Variants in TSHZ2 observed in about 807,000 individuals in gnomAD.
The protein encoded by TSHZ2 is teashirt homolog 2.
In TSHZ2, 21 loss-of-function variants were observed where a neutral mutation model predicts 74.4. That is an observed-to-expected ratio of 0.28 (90% CI 0.20 to 0.41). The LOEUF (loss-of-function observed/expected upper bound fraction) is 0.41, where lower values mean the gene tolerates loss of function less well. TSHZ2 is among the 10% of genes least tolerant of loss of function. The pLI is 1.00. For synonymous variants in TSHZ2, 540 were observed against 515.3 expected, an observed-to-expected ratio of 1.05 and a Z score of -0.65; for missense variants, 1,244 against 1,293.5, an observed-to-expected ratio of 0.96 and a Z score of 0.59.
chr20:53,063,278 A>G (rs1466837241), intron 1 of TSHZ2, among the ~76,000 whole-genome samples: 7 of 152,314 alleles, frequency 4.6e-5, no homozygotes, highest in African/African-American at 1.7e-4. Flanking sequence ...GCACAATAAA[A>G]TGAAGCACAT....
chr20:53,170,814 G>A (rs1472800096), intron 1 of TSHZ2, among the ~76,000 whole-genome samples: 1 of 152,074 alleles, frequency 6.6e-6, no homozygotes, highest in Non-Finnish European at 1.5e-5. Flanking sequence ...ACGTCAGAGT[G>A]GTGTTTGGGC....
chr20:53,362,223 T>C (rs1240312216), intron 2 of TSHZ2, among the ~76,000 whole-genome samples: 2 of 146,348 alleles, frequency 1.4e-5, no homozygotes, highest in Admixed American at 6.9e-5. Flanking sequence ...CTCGCTCTGT[T>C]GCCCAGGCCG....
At chr20:53,107,576 G>T (rs575933535) in intron 1 of TSHZ2, among the ~76,000 whole-genome samples, 1 of 152,222 alleles carries the variant, frequency 6.6e-6, no homozygotes, top group Admixed American at 6.5e-5. Flanking sequence ...AGGACATGGT[G>T]TGTAATAGCA....
chr20:52,977,326 AG>A (rs1244209018), intron 1 of TSHZ2, among the ~76,000 whole-genome samples: 1 of 152,102 alleles, frequency 6.6e-6, no homozygotes, highest in Non-Finnish European at 1.5e-5. Context: ...AACATCCTTC[AG>A]AAAGACAAGT....
At chr20:53,190,108 T>G (rs1988695713) in intron 1 of TSHZ2, among the ~76,000 whole-genome samples, 1 of 73,568 alleles carries the variant, frequency 1.4e-5, no homozygotes, top group South Asian at 4.4e-4. Context: ...TATATATATA[T>G]ATATATATAT....
chr20:53,401,387 TTTA>T (rs1217901479), intron 2 of TSHZ2, among the ~76,000 whole-genome samples: 1 of 152,242 alleles, frequency 6.6e-6, no homozygotes, highest in Non-Finnish European at 1.5e-5. Flanking sequence ...TACTTTCTTT[TTTA>T]TTATTTTGTT....
At chr20:53,103,310 C>T (rs1164367341) in intron 1 of TSHZ2, among the ~76,000 whole-genome samples, 1 of 152,190 alleles carries the variant, frequency 6.6e-6, no homozygotes, top group African/African-American at 2.4e-5. Flanking sequence ...CTTTATTTCT[C>T]AAATGCTCAG....
chr20:53,337,253 T>A (rs962469589), intron 2 of TSHZ2, among the ~76,000 whole-genome samples: 2 of 152,228 alleles, frequency 1.3e-5, no homozygotes, highest in Non-Finnish European at 2.9e-5. Context: ...TTAAAGTCAA[T>A]TTCTTATGGA....
At chr20:53,419,087 G>T (rs1983375410) in intron 2 of TSHZ2, among the ~76,000 whole-genome samples, 1 of 152,184 alleles carries the variant, frequency 6.6e-6, no homozygotes, top group Non-Finnish European at 1.5e-5. Context: ...TCGGGAAGTT[G>T]GCGCTAATTG....
At chr20:53,034,145 T>C (rs1204899318) in intron 1 of TSHZ2, among the ~76,000 whole-genome samples, 1 of 152,078 alleles carries the variant, frequency 6.6e-6, no homozygotes, top group Non-Finnish European at 1.5e-5. Flanking sequence ...AATCAACACG[T>C]GGGAAACAAT....
At chr20:53,170,936 G>GAAAAGAAAAAAAGTAATTAAAA (rs1988184995) in intron 1 of TSHZ2, among the ~76,000 whole-genome samples, 4 of 141,478 alleles carry the variant, frequency 2.8e-5, no homozygotes, top group Non-Finnish European at 6.1e-5. Flanking sequence ...AATAAAAAAT[G>GAAAAGAAAAAAAGTAATTAAAA]AAAAGAAAAA....
At chr20:53,013,572 C>T (rs576616771) in intron 1 of TSHZ2, among the ~76,000 whole-genome samples, 20 of 152,334 alleles carry the variant, frequency 1.3e-4, no homozygotes, top group African/African-American at 4.8e-4. Context: ...TTCTTTGCTA[C>T]TGCACCAGTA....
At chr20:53,001,787 T>C (rs1452013410) in intron 1 of TSHZ2, among the ~76,000 whole-genome samples, 1 of 152,220 alleles carries the variant, frequency 6.6e-6, no homozygotes, top group Non-Finnish European at 1.5e-5. Flanking sequence ...GTTACGTATG[T>C]CTTCCCTATT....
intron 1 of TSHZ2, among the ~76,000 whole-genome samples, chr20:53,054,717 G>T (rs1412426610): frequency 6.6e-6 from 1 of 152,136 alleles, no homozygotes; most frequent in Non-Finnish European, 1.5e-5. Context: ...CATTAATAGG[G>T]CTGTCACTTT....
rs143681286 is a variant in TSHZ2, at chr20:53,172,826, A to G, written c.41-80673A>G. Among the ~76,000 whole-genome samples, 1,454 of 152,322 alleles carry G rather than the reference A, an allele frequency of 9.5e-3. 9 individuals are homozygous for G. The highest frequency in any genetic ancestry group is 0.014 in the Non-Finnish European group (963 of 68,012). On this transcript the variant is annotated intron_variant, in intron 1 of 2. Coordinates refer to ENST00000371497, the MANE Select transcript of TSHZ2 (RefSeq NM_173485.6). ...TCCATTCGGTCCTCTTCACCAGAGC[A>G]TGGCTAAGAAACACTAGCAAACTTG... is the stretch of plus-strand genomic sequence containing the variant.
At chr20:53,187,286 GTTCTTAC>G (rs1988623208) in intron 1 of TSHZ2, among the ~76,000 whole-genome samples, 1 of 152,118 alleles carries the variant, frequency 6.6e-6, no homozygotes, top group Non-Finnish European at 1.5e-5. Context: ...GTTCAAGATG[GTTCTTAC>G]TTCTGAGCAG....
At chr20:53,372,963 C>T (rs1981532166) in intron 2 of TSHZ2, among the ~76,000 whole-genome samples, 1 of 152,150 alleles carries the variant, frequency 6.6e-6, no homozygotes, top group Non-Finnish European at 1.5e-5. Context: ...CTTACCTTTC[C>T]AGCCACATTC....
intron 1 of TSHZ2, among the ~76,000 whole-genome samples, chr20:53,023,500 G>T (rs931998114): frequency 6.6e-6 from 1 of 152,120 alleles, no homozygotes; most frequent in Non-Finnish European, 1.5e-5. Flanking sequence ...CTACGCAGGA[G>T]TACATTCCAT....
At chr20:53,296,573 CT>C (rs1260142533) in intron 2 of TSHZ2, among the ~76,000 whole-genome samples, 1 of 152,186 alleles carries the variant, frequency 6.6e-6, no homozygotes, top group Non-Finnish European at 1.5e-5. Flanking sequence ...CACACTTTAT[CT>C]TTTTCTTAAA....
Sources: allele counts gnomAD v4.1 joint callset (sites outside exome capture counted in the v4.1 genomes callset), GRCh38; gene constraint gnomAD v4.1.1; transcripts MANE v1.5; gene names NCBI Gene and HGNC (gene_info 2026-07-23, HGNC 2026-07-21).